The following NR2C2 variants were observed in gnomAD, a reference collection of about 807,000 sequenced individuals.
NR2C2 encodes the protein Nuclear hormone receptor TR4.
Under a neutral mutation model 62.9 loss-of-function variants are expected in NR2C2, and 6 were observed. That is an observed-to-expected ratio of 0.10 (90% CI 0.05 to 0.19). NR2C2 has a LOEUF of 0.19. Ranked by LOEUF, NR2C2 falls within the 10% of genes least tolerant of loss-of-function variation. The probability of loss-of-function intolerance (pLI) is 1.00; values close to 1 mark genes in which losing one functional copy is unlikely to be tolerated. For missense variants in NR2C2, 479 were observed against 762.7 expected, an observed-to-expected ratio of 0.63 and a Z score of 4.38; for synonymous variants, 272 against 273.8, an observed-to-expected ratio of 0.99 and a Z score of 0.07.
intron 1 of NR2C2, among the ~76,000 whole-genome samples, chr3:14,964,308 G>C (rs2125258531): frequency 6.6e-6 from 1 of 152,162 alleles, no homozygotes; most frequent in Middle Eastern, 3.4e-3. Flanking sequence ...CCCAATATTT[G>C]GTGAATCAGT....
intron 1 of NR2C2, among the ~76,000 whole-genome samples, chr3:14,976,189 A>G (rs1422228346): frequency 6.6e-6 from 1 of 152,118 alleles, no homozygotes; most frequent in African/African-American, 2.4e-5. Flanking sequence ...GTACTAGTTT[A>G]TAATCTTTTC....
chr3:14,985,706 G>A, intron 1 of NR2C2, among the ~76,000 whole-genome samples: 1 of 152,202 alleles, frequency 6.6e-6, no homozygotes, highest in East Asian at 1.9e-4. Flanking sequence ...TTATAGATTA[G>A]AGCTATATTT....
chr3:14,977,694 A>G (rs2040245850), intron 1 of NR2C2, among the ~76,000 whole-genome samples: 1 of 152,042 alleles, frequency 6.6e-6, no homozygotes, highest in East Asian at 1.9e-4. Context: ...GCCGGGCAAA[A>G]TGGCTCATGC....
rs2042508089 is a variant in NR2C2 at position 15,047,782 on chromosome 3, C to T, written c.*4774C>T. On this transcript the variant is annotated 3_prime_UTR_variant, in exon 14 of 14. Coordinates refer to ENST00000425241, the MANE Select transcript of NR2C2 (RefSeq NM_001291694.2). ...GCTAACTTCTGCGGCATATAAGCTA[C>T]AGATCTCAAGTTACTTCTCTAACTG... is the stretch of plus-strand genomic sequence containing the variant. 6.6e-6 allele frequency: 1 copy of T among 152,208 alleles called. No homozygotes were observed. The highest frequency in any genetic ancestry group is 2.4e-5 in the African/African-American group (1 of 41,444). The allele number at this position is 152,208 out of a possible 1,614,324, so 9.4% of individuals were successfully genotyped here.
In NR2C2 at chr3:14,947,716, C is replaced by T. The variant is rs2039160738; in HGVS notation, c.-230C>T. ...GCGACCCCGGCGGCGCCCCCGGGCC[C>T]GTCCCCGCCACCCCGCTCCCACCTC... On this transcript the variant is annotated 5_prime_UTR_variant, in exon 1 of 14. Transcript: ENST00000425241. The T allele has an allele frequency of 6.7e-6, 1 of 149,262 alleles. No individual in the cohort carries two copies. Among genetic ancestry groups the T allele is most frequent in the Non-Finnish European group, 1.5e-5 (1 of 66,924 alleles). 9.2% of individuals were successfully genotyped at this position (149,262 alleles called of 1,614,324 possible). A position where few individuals can be genotyped will look rare whatever the true frequency, so the allele number is the denominator to read the frequency against.
chr3:15,033,539 C>A (rs1232145005), intron 10 of NR2C2, among the ~76,000 whole-genome samples: 1 of 150,962 alleles, frequency 6.6e-6, no homozygotes, highest in East Asian at 2.0e-4. Flanking sequence ...GAGAATTAGA[C>A]AGGTAGTGAC....
At chr3:14,994,977 C>CTTTTT (rs71038447) in intron 1 of NR2C2, among the ~76,000 whole-genome samples, 3 of 104,148 alleles carry the variant, frequency 2.9e-5, no homozygotes, top group African/African-American at 8.0e-5. Context: ...ATACAATTCA[C>CTTTTT]TTTTTTTTTT....
chr3:14,997,366 T>C (rs1474049419), intron 1 of NR2C2, among the ~76,000 whole-genome samples: 4 of 152,232 alleles, frequency 2.6e-5, no homozygotes, highest in Non-Finnish European at 4.4e-5. Flanking sequence ...ATTCCTGTCT[T>C]TAAGCAACAC....
chr3:14,965,256 A>G (rs1001667756), intron 1 of NR2C2, among the ~76,000 whole-genome samples: 1 of 152,200 alleles, frequency 6.6e-6, no homozygotes, highest in African/African-American at 2.4e-5. Flanking sequence ...TAATTTTTCA[A>G]ATATCTGTGT....
chr3:15,011,979 T>C (rs1398495294), intron 2 of NR2C2, among the ~76,000 whole-genome samples: 1 of 152,238 alleles, frequency 6.6e-6, no homozygotes, highest in Non-Finnish European at 1.5e-5. Flanking sequence ...GAGTTCATGG[T>C]CTGCTTCCCC....
intron 1 of NR2C2, among the ~76,000 whole-genome samples, chr3:14,970,588 C>G (rs1008363785): frequency 6.6e-6 from 1 of 152,140 alleles, no homozygotes; most frequent in East Asian, 1.9e-4. Context: ...AATTGTCATT[C>G]GTTACTGGGC....
chr3:15,018,708 T>A (rs903928061), intron 4 of NR2C2, among the ~76,000 whole-genome samples: 13 of 152,152 alleles, frequency 8.5e-5, no homozygotes, highest in Admixed American at 4.6e-4. Context: ...TACTGATTTT[T>A]GTATTTTTAT....
intron 1 of NR2C2, among the ~76,000 whole-genome samples, chr3:14,987,859 A>G (rs983308966): frequency 5.9e-5 from 9 of 152,218 alleles, no homozygotes; most frequent in African/African-American, 2.2e-4. Flanking sequence ...GTGTGCATAT[A>G]ACTTTGTGTC....
At chr3:15,026,372 A>G (rs1199995203) in intron 7 of NR2C2, 1 of 152,150 alleles carries the variant, frequency 6.6e-6, no homozygotes, top group Non-Finnish European at 1.5e-5. Flanking sequence ...TCACCCTTTT[A>G]GTGTATAATG....
At chr3:14,952,820 C>T (rs1489571474) in intron 1 of NR2C2, among the ~76,000 whole-genome samples, 2 of 152,200 alleles carry the variant, frequency 1.3e-5, no homozygotes, top group Non-Finnish European at 2.9e-5. Flanking sequence ...GGTAGCAGTC[C>T]TACTCCCCTT....
At chr3:15,028,388 A>G (rs1019972134) in intron 7 of NR2C2, among the ~76,000 whole-genome samples, 198 bp from the exon 8 acceptor site, 2 of 152,102 alleles carry the variant, frequency 1.3e-5, no homozygotes, top group Non-Finnish European at 2.9e-5. Context: ...TTTGTCACAT[A>G]TCTAGATTTG....
In NR2C2 at chr3:15,030,428, T is replaced by G. The variant is rs760160125; in HGVS notation, c.1086T>G (p.Leu362=). ...TCATTGAGGTTGAAGGCCCCCTCCT[T>G]TCAGACACACACGTCACATTTAAGG... ...TPIIEVEGPL[L]SDTHVTFKLT... Residue 362 remains leucine (L), a synonymous_variant, in exon 9 of 14, where the codon CTT becomes CTG. Coordinates refer to ENST00000425241, the MANE Select transcript of NR2C2 (RefSeq NM_001291694.2). The G allele has an allele frequency of 6.2e-7, 1 of 1,602,410 alleles. No homozygotes were observed. Among genetic ancestry groups the G allele is most frequent in the Non-Finnish European group, 8.5e-7 (1 of 1,176,454 alleles).
chr3:14,995,637 T>A lies in NR2C2; in HGVS notation c.-39-8239T>A, dbSNP rs557291854. On this transcript the variant is annotated intron_variant, in intron 1 of 13. Transcript: ENST00000425241. ...TAGGAATAATGCTGTGAACATTGTG[T>A]ACCAGTTTTTCTGTGGACACGTTTT... Among the ~76,000 whole-genome samples, 15 of 150,928 alleles carry A rather than the reference T, an allele frequency of 9.9e-5. No individual in the cohort carries two copies. In the South Asian group the frequency reaches 3.1e-3, roughly 32 times the overall value.
rs567448768 is a variant in NR2C2 at position 15,011,364 on chromosome 3, A to G, written c.73-2225A>G. The stretch of plus-strand genomic sequence containing the variant: ...CAAAAAAAAGAAAAAGAATTGATAG[A>G]CATATGACTCACAGAGCTCAGGTTA... On this transcript the variant is annotated intron_variant, in intron 2 of 13. Coordinates refer to ENST00000425241, the MANE Select transcript of NR2C2 (RefSeq NM_001291694.2). 1.2e-4 allele frequency among the ~76,000 whole-genome samples: 18 copies of G among 152,138 alleles called. No homozygotes were observed. The East Asian group carries it at 3.5e-3, about 29-fold the overall frequency.
Sources: gnomAD v4.1 joint callset for allele counts (sites outside exome capture counted in the v4.1 genomes callset) on GRCh38, gnomAD v4.1.1 for gene constraint, MANE v1.5 for transcripts, NCBI Gene and HGNC (gene_info 2026-07-23, HGNC 2026-07-21) for gene names.